Variants in KSR2 observed in about 807,000 individuals in gnomAD.
KSR2 encodes the protein kinase suppressor of ras 2.
A neutral mutation model predicts 107.8 loss-of-function variants in KSR2; 25 were observed. The observed-to-expected ratio is 0.23, with a 90% CI of 0.17 to 0.32. The LOEUF (loss-of-function observed/expected upper bound fraction) is 0.32, where lower values mean the gene tolerates loss of function less well. Ranked by LOEUF, KSR2 falls within the 10% of genes least tolerant of loss-of-function variation. The probability of loss-of-function intolerance (pLI) is 1.00; values close to 1 mark genes in which losing one functional copy is unlikely to be tolerated. For synonymous variants in KSR2, 480 were observed against 507.0 expected (o/e 0.95, Z 0.71); for missense variants, 887 against 1,268.9 (o/e 0.70, Z 4.57).
At chr12:117,749,532 G>A (rs471231) in intron 4 of KSR2, among the ~76,000 whole-genome samples, 41,436 of 151,758 alleles carry the variant, frequency 0.27, 5,780 homozygotes, top group East Asian at 0.41. Context: ...AAATAATAAG[G>A]GACTGCAAAC....
chr12:117,631,593 C>T (rs1208911515), intron 5 of KSR2, among the ~76,000 whole-genome samples: 2 of 151,908 alleles, frequency 1.3e-5, no homozygotes, highest in Admixed American at 6.6e-5. Flanking sequence ...ATCAATATTC[C>T]AATATGCTAA....
intron 4 of KSR2, among the ~76,000 whole-genome samples, chr12:117,685,269 C>T (rs372276504): frequency 8.5e-5 from 13 of 152,064 alleles, no homozygotes; most frequent in East Asian, 7.7e-4. Flanking sequence ...TTTTTTTGTT[C>T]CCAAACCCAT....
At chr12:117,819,341 C>T (rs973053066) in intron 3 of KSR2, among the ~76,000 whole-genome samples, 18 of 152,202 alleles carry the variant, frequency 1.2e-4, no homozygotes, top group African/African-American at 3.6e-4. Flanking sequence ...ACATCTACTA[C>T]GGCATCTTCT....
intron 1 of KSR2, among the ~76,000 whole-genome samples, chr12:117,867,107 T>C (rs1893498839): frequency 2.0e-5 from 3 of 151,612 alleles, no homozygotes; most frequent in South Asian, 2.1e-4. Context: ...CTTGAGCTCA[T>C]GAGTTCGAGA....
intron 3 of KSR2, among the ~76,000 whole-genome samples, chr12:117,810,316 T>C (rs745978632): frequency 6.6e-6 from 1 of 152,176 alleles, no homozygotes; most frequent in African/African-American, 2.4e-5. Flanking sequence ...TTTTATTTTA[T>C]TTATTTATTT....
chr12:117,932,230 T>C (rs1895714049), intron 1 of KSR2, among the ~76,000 whole-genome samples: 1 of 152,114 alleles, frequency 6.6e-6, no homozygotes, highest in Admixed American at 6.6e-5. Context: ...GAGGTTGCAT[T>C]GAGCTGAGAT....
chr12:117,760,587 C>T (rs1332551055), intron 4 of KSR2, among the ~76,000 whole-genome samples: 2 of 152,068 alleles, frequency 1.3e-5, no homozygotes, highest in African/African-American at 2.4e-5. Context: ...TTTCTAGGAG[C>T]GGCACTAGGC....
intron 1 of KSR2, among the ~76,000 whole-genome samples, chr12:117,887,423 A>G (rs1344795285): frequency 6.6e-6 from 1 of 152,052 alleles, no homozygotes; most frequent in East Asian, 1.9e-4. Context: ...TTCCATCAAG[A>G]GACTAAGAAT....
At chr12:117,682,400 G>A (rs558292433) in intron 4 of KSR2, among the ~76,000 whole-genome samples, 37 of 152,168 alleles carry the variant, frequency 2.4e-4, no homozygotes, top group African/African-American at 8.4e-4. Flanking sequence ...TGCATGTCCT[G>A]CACATGTACT....
chr12:117,628,664 C>A (rs1289567420), intron 5 of KSR2, among the ~76,000 whole-genome samples: 1 of 152,222 alleles, frequency 6.6e-6, no homozygotes, highest in Non-Finnish European at 1.5e-5. Context: ...GAGTCAGGGA[C>A]CCACTTGAGG....
intron 4 of KSR2, among the ~76,000 whole-genome samples, chr12:117,678,022 C>T (rs1885210283): frequency 6.6e-6 from 1 of 152,100 alleles, no homozygotes; most frequent in African/African-American, 2.4e-5. Flanking sequence ...ACAACCTCCG[C>T]CTCATGGGTT....
intron 12 of KSR2, among the ~76,000 whole-genome samples, chr12:117,529,641 G>A (rs1875468051): frequency 6.6e-6 from 1 of 152,124 alleles, no homozygotes; most frequent in African/African-American, 2.4e-5. Flanking sequence ...GGGAAGCAAT[G>A]TAAAATCCAG....
At chr12:117,966,733 C>A (rs1379163595) in intron 1 of KSR2, among the ~76,000 whole-genome samples, 1 of 151,218 alleles carries the variant, frequency 6.6e-6, no homozygotes, top group Non-Finnish European at 1.5e-5. Context: ...TGACCTCCTG[C>A]ATGTTGACAT....
intron 5 of KSR2, among the ~76,000 whole-genome samples, chr12:117,643,169 G>A (rs1285246905): frequency 6.6e-6 from 1 of 152,136 alleles, no homozygotes; most frequent in Non-Finnish European, 1.5e-5. Flanking sequence ...AGCCGGGCAC[G>A]GTGACTCACA....
chr12:117,728,677 C>A (rs1266169094), intron 4 of KSR2, among the ~76,000 whole-genome samples: 2 of 152,206 alleles, frequency 1.3e-5, no homozygotes, highest in African/African-American at 4.8e-5. Flanking sequence ...GCCGTGCCGC[C>A]CTCACCACAC....
intron 15 of KSR2, among the ~76,000 whole-genome samples, chr12:117,484,827 C>CA (rs1236390043): frequency 6.6e-6 from 1 of 152,110 alleles, no homozygotes; most frequent in African/African-American, 2.4e-5. Flanking sequence ...GAAGAAGAAA[C>CA]AAAAAGATCC....
chr12:117,866,433 G>A (rs1893473347), intron 1 of KSR2, among the ~76,000 whole-genome samples: 1 of 152,204 alleles, frequency 6.6e-6, no homozygotes, highest in Admixed American at 6.5e-5. Flanking sequence ...GTGTTACATT[G>A]CATTTATTTT....
rs565850047 is a variant in KSR2 at position 117,476,514 on chromosome 12, T to C, written c.2532A>G (p.Thr844=). 1.7e-5 allele frequency: 27 copies of C among 1,608,650 alleles called. No homozygotes were observed. In the Admixed American group the frequency reaches 3.4e-4, roughly 20 times the overall value. ...PEIIRQLSPD[T]EEDKLPFSKH... is the part of the protein sequence containing the mutation. ...TGGAGAAGGGGAGCTTATCCTCCTC[T>C]GTGTCGGGGGACAGCTGGCGGATGA... The change falls in exon 17 of 20, where the codon ACA becomes ACG. Residue 844 remains threonine, a synonymous_variant. Coordinates refer to ENST00000339824, the MANE Select transcript of KSR2 (RefSeq NM_173598.6).
chr12:117,939,927 C>T (rs944855053), intron 1 of KSR2, among the ~76,000 whole-genome samples: 5 of 135,492 alleles, frequency 3.7e-5, no homozygotes, highest in African/African-American at 1.4e-4. Flanking sequence ...GGCGACAGAG[C>T]GAGACTCCAT....
Sources: gnomAD v4.1 joint callset for allele counts (sites outside exome capture counted in the v4.1 genomes callset) on GRCh38, gnomAD v4.1.1 for gene constraint, MANE v1.5 for transcripts, NCBI Gene and HGNC (gene_info 2026-07-23, HGNC 2026-07-21) for gene names.